DSCAM: variants seen among roughly 807,000 people sequenced by gnomAD.
DSCAM encodes DS cell adhesion molecule, also known as cell adhesion molecule DSCAM.
DSCAM carries 47 observed loss-of-function variants against 217.7 expected under a neutral mutation model. The ratio of observed to expected loss-of-function variants is 0.22; its 90% confidence interval spans 0.17 to 0.28. The LOEUF is 0.28. Ranked by LOEUF, DSCAM falls within the 10% of genes least tolerant of loss-of-function variation. DSCAM has a pLI of 1.00. For missense variants in DSCAM, 2,080 were observed against 2,618.3 expected (o/e 0.79, Z 4.49); for synonymous variants, 1,056 against 1,015.3 (o/e 1.04, Z -0.76).
intron 3 of DSCAM, among the ~76,000 whole-genome samples, chr21:40,578,620 C>G (rs559708154): frequency 2.6e-5 from 4 of 152,158 alleles, no homozygotes; most frequent in South Asian, 2.1e-4. Flanking sequence ...CACTGTGGTA[C>G]CTTTGTTCTT....
At chr21:40,784,297 T>C (rs1184753599) in intron 1 of DSCAM, among the ~76,000 whole-genome samples, 1 of 152,082 alleles carries the variant, frequency 6.6e-6, no homozygotes, top group Non-Finnish European at 1.5e-5. Flanking sequence ...ATCTCATGGT[T>C]TTATAAGGGG....
chr21:40,746,702 G>A (rs971370235), intron 1 of DSCAM, among the ~76,000 whole-genome samples: 1 of 151,812 alleles, frequency 6.6e-6, no homozygotes. Context: ...GATTTAAACA[G>A]CCTTCTAGAT....
chr21:40,099,193 T>C (rs1473539559), intron 20 of DSCAM, among the ~76,000 whole-genome samples: 2 of 152,236 alleles, frequency 1.3e-5, no homozygotes, highest in Non-Finnish European at 2.9e-5. Context: ...ACTTATCCTG[T>C]TGACAAGGTA....
chr21:40,361,630 A>G (rs191245846), intron 4 of DSCAM, among the ~76,000 whole-genome samples: 20 of 152,292 alleles, frequency 1.3e-4, no homozygotes, highest in Admixed American at 9.8e-4. Flanking sequence ...AAACAAACAA[A>G]CAAACAAACA....
At chr21:40,598,401 G>A (rs1009353504) in intron 3 of DSCAM, among the ~76,000 whole-genome samples, 6 of 151,686 alleles carry the variant, frequency 4.0e-5, no homozygotes, top group African/African-American at 1.2e-4. Flanking sequence ...TTTTTACGGG[G>A]AAATAAGTTT....
Position 40,709,288 on chromosome 21 carries a change from T to G in DSCAM, c.44-517A>C, listed in dbSNP as rs973983853. Among the ~76,000 whole-genome samples, 5 of 152,322 alleles carry G rather than the reference T, an allele frequency of 3.3e-5. 1 individual carries two copies. The highest frequency in any genetic ancestry group is 2.1e-4 in the South Asian group (1 of 4,818). On this transcript the variant is annotated intron_variant, in intron 1 of 32. Coordinates refer to ENST00000400454, the MANE Select transcript of DSCAM (RefSeq NM_001389.5). ...CTTTACTAGCTTCACTGAGGGTTAT[T>G]ATGCAATGAAATTTGCCACATTTTT... is the stretch of plus-strand genomic sequence containing the variant.
intron 31 of DSCAM, 73 bp from the exon 32 acceptor site, chr21:40,042,746 T>C: frequency 7.0e-7 from 1 of 1,427,348 alleles, no homozygotes; most frequent in Non-Finnish European, 9.5e-7. Context: ...TGGCCCTTCC[T>C]GGCTTGGGGC....
rs191724686 is a variant in DSCAM at position 40,822,837 on chromosome 21, C to A, written c.43+23782G>T. Among the ~76,000 whole-genome samples, 529 of 152,166 alleles carry A rather than the reference C, an allele frequency of 3.5e-3. 6 individuals are homozygous for A. The highest frequency in any genetic ancestry group is 0.012 in the African/African-American group (514 of 41,518). On this transcript the variant is annotated intron_variant, in intron 1 of 32. Transcript: ENST00000400454. ...AATAAGTACAAAAGCAAAGAATTTACACATAAACTTCTTATAAGAAATAAC... is the reference window on the plus strand; with the variant it reads ...AATAAGTACAAAAGCAAAGAATTTAAACATAAACTTCTTATAAGAAATAAC...
rs1037008194 is a variant in DSCAM, at chr21:40,028,294, A to G, written c.5686+14077T>C. 3.6e-5 allele frequency among the ~76,000 whole-genome samples: 4 copies of G among 109,854 alleles called. 1 individual carries two copies. The highest frequency in any genetic ancestry group is 3.1e-4 in the Admixed American group (3 of 9,626). The allele number at this position is 109,854 out of a possible 152,430, so 72.1% of individuals were successfully genotyped here. On this transcript the variant is annotated intron_variant, in intron 32 of 32. Transcript: ENST00000400454. ...GTCAGACAGGGACATTTGAGTCTGC[A>G]GAGGTTACTGCTGTCTTTTTGTTTG... is the stretch of plus-strand genomic sequence containing the variant.
At chr21:40,739,265 A>G (rs1317152399) in intron 1 of DSCAM, among the ~76,000 whole-genome samples, 1 of 152,142 alleles carries the variant, frequency 6.6e-6, no homozygotes, top group African/African-American at 2.4e-5. Context: ...GGTGGGGGCC[A>G]TGCCCTTGAG....
chr21:40,029,330 G>A lies in DSCAM; in HGVS notation c.5686+13041C>T, dbSNP rs78932980. ...GCCTGCCCCACTAGTGGTAGGGAAA[G>A]CATCAGCCCCTTTGGATCTCTGTGC... On this transcript the variant is annotated intron_variant, in intron 32 of 32. Coordinates refer to ENST00000400454, the MANE Select transcript of DSCAM (RefSeq NM_001389.5). Among the ~76,000 whole-genome samples, 685 of 152,044 alleles carry A rather than the reference G, an allele frequency of 4.5e-3. 7 individuals are homozygous for A. The highest frequency in any genetic ancestry group is 0.016 in the African/African-American group (647 of 41,470).
intron 1 of DSCAM, among the ~76,000 whole-genome samples, chr21:40,765,667 A>T (rs1002099476): frequency 3.9e-5 from 6 of 152,186 alleles, no homozygotes; most frequent in Non-Finnish European, 8.8e-5. Context: ...CATTTGTGAG[A>T]AGGTGTTTCC....
chr21:40,770,547 G>T (rs568822979), intron 1 of DSCAM, among the ~76,000 whole-genome samples: 1 of 152,176 alleles, frequency 6.6e-6, no homozygotes, highest in Admixed American at 6.5e-5. Context: ...TGCTGATAAC[G>T]GCCAAGTCAG....
intron 3 of DSCAM, among the ~76,000 whole-genome samples, chr21:40,391,279 A>C (rs1459667531): frequency 6.6e-6 from 1 of 152,220 alleles, no homozygotes; most frequent in African/African-American, 2.4e-5. Flanking sequence ...ATAAGAAGCC[A>C]ATTTTACGCT....
intron 3 of DSCAM, among the ~76,000 whole-genome samples, chr21:40,399,523 G>A (rs758806155): frequency 5.3e-5 from 8 of 152,192 alleles, no homozygotes; most frequent in East Asian, 1.9e-4. Context: ...TTTATATTTC[G>A]CTGTGTTTCA....
At chr21:40,796,773 G>A (rs2837826) in intron 1 of DSCAM, among the ~76,000 whole-genome samples, 13,374 of 152,076 alleles carry the variant, frequency 0.088, 704 homozygotes, top group African/African-American at 0.15. Context: ...AATATGATAA[G>A]TGCTGATTTA....
At chr21:40,759,505 C>A (rs2091309142) in intron 1 of DSCAM, among the ~76,000 whole-genome samples, 1 of 152,310 alleles carries the variant, frequency 6.6e-6, no homozygotes, top group Middle Eastern at 3.4e-3. Flanking sequence ...ATACCCATAT[C>A]CCTGGGGGCA....
At chr21:40,106,764 G>A (rs776405834) in intron 20 of DSCAM, among the ~76,000 whole-genome samples, 18 of 152,280 alleles carry the variant, frequency 1.2e-4, no homozygotes, top group Non-Finnish European at 2.1e-4. Flanking sequence ...GCATAGAGGT[G>A]TTCATAATAT....
intron 11 of DSCAM, among the ~76,000 whole-genome samples, chr21:40,252,720 G>A (rs563041233): frequency 5.9e-5 from 9 of 152,128 alleles, no homozygotes; most frequent in Non-Finnish European, 1.2e-4. Flanking sequence ...TCAAGATTGA[G>A]GATCAAAGTA....
Sources: allele counts gnomAD v4.1 joint callset (sites outside exome capture counted in the v4.1 genomes callset), GRCh38; gene constraint gnomAD v4.1.1; transcripts MANE v1.5; gene names NCBI Gene and HGNC (gene_info 2026-07-23, HGNC 2026-07-21).